The following ARHGAP42 variants were observed in gnomAD, a reference collection of about 807,000 sequenced individuals.
ARHGAP42 encodes the protein rho GTPase-activating protein 42.
A neutral mutation model predicts 125.0 loss-of-function variants in ARHGAP42; 63 were observed. The observed-to-expected ratio is 0.50, with a 90% CI of 0.41 to 0.62. The LOEUF (loss-of-function observed/expected upper bound fraction) is 0.62, where lower values mean the gene tolerates loss of function less well. Ranked by LOEUF, ARHGAP42 falls within the 20% of genes least tolerant of loss-of-function variation. The pLI, the probability that ARHGAP42 is intolerant of heterozygous loss-of-function variation, is 0.00. For missense variants in ARHGAP42, 766 were observed against 1,024.2 expected (o/e 0.75, Z 3.44); for synonymous variants, 339 against 351.0 (o/e 0.97, Z 0.38).
rs1458569700 is a variant in ARHGAP42 at position 100,992,130 on chromosome 11, CT to C, written c.*3332del. 2 of 651,538 alleles carry C rather than the reference CT, an allele frequency of 3.1e-6. No homozygotes were observed. The highest frequency in any genetic ancestry group is 6.5e-5 in the Admixed American group (2 of 30,620). The allele number at this position is 651,538 out of a possible 1,614,324, so 40.4% of individuals were successfully genotyped here. A position where few individuals can be genotyped will look rare whatever the true frequency, so the allele number is the denominator to read the frequency against. On this transcript the variant is annotated 3_prime_UTR_variant, in exon 24 of 24. Transcript: ENST00000298815. The stretch of plus-strand genomic sequence containing the variant: ...TTCAGTTTAGAAGAGTCCCTCAGAG[CT>C]TTGCCTCAAGCAATTTCAAATTGTA...
intron 4 of ARHGAP42, among the ~76,000 whole-genome samples, chr11:100,880,706 C>G (rs896295786): frequency 6.6e-6 from 1 of 152,182 alleles, no homozygotes; most frequent in Non-Finnish European, 1.5e-5. Context: ...TAGTTTACAT[C>G]CCACCAGCAG....
chr11:100,706,302 A>G (rs1377470380), intron 1 of ARHGAP42, among the ~76,000 whole-genome samples: 1 of 152,218 alleles, frequency 6.6e-6, no homozygotes, highest in Non-Finnish European at 1.5e-5. Context: ...TTTGGGACTC[A>G]GGAGATGGAC....
At chr11:100,811,472 A>G (rs1004728279) in intron 3 of ARHGAP42, among the ~76,000 whole-genome samples, 4 of 150,292 alleles carry the variant, frequency 2.7e-5, no homozygotes, top group Non-Finnish European at 4.4e-5. Flanking sequence ...TAGGTGATCT[A>G]TGTTGCTTCT....
intron 3 of ARHGAP42, among the ~76,000 whole-genome samples, chr11:100,799,994 G>T (rs920843309): frequency 3.9e-5 from 6 of 152,200 alleles, no homozygotes; most frequent in African/African-American, 1.4e-4. Context: ...AGCCAAGGGG[G>T]TAAGTTATTC....
At chr11:100,802,502 G>T (rs1420993455) in intron 3 of ARHGAP42, among the ~76,000 whole-genome samples, 2 of 148,460 alleles carry the variant, frequency 1.3e-5, no homozygotes, top group African/African-American at 5.0e-5. Flanking sequence ...TTGACTCACT[G>T]CAGCCTCCAC....
At chr11:100,811,041 C>T (rs956121153) in intron 3 of ARHGAP42, among the ~76,000 whole-genome samples, 1 of 144,588 alleles carries the variant, frequency 6.9e-6, no homozygotes, top group Non-Finnish European at 1.6e-5. Flanking sequence ...CCGCAACTTC[C>T]GCCTCCTGGG....
chr11:100,842,114 C>A (rs573793530), intron 3 of ARHGAP42, among the ~76,000 whole-genome samples: 1 of 152,248 alleles, frequency 6.6e-6, no homozygotes, highest in East Asian at 1.9e-4. Flanking sequence ...TTTACAAGAA[C>A]TTCATTTGTG....
intron 10 of ARHGAP42, among the ~76,000 whole-genome samples, chr11:100,944,998 A>G (rs1867979134): frequency 1.3e-5 from 2 of 152,230 alleles, no homozygotes; most frequent in Admixed American, 1.3e-4. Context: ...TTTACTCAGT[A>G]GGGCGTCTTT....
intron 4 of ARHGAP42, among the ~76,000 whole-genome samples, chr11:100,900,726 A>G (rs1332324328): frequency 6.6e-6 from 1 of 152,072 alleles, no homozygotes; most frequent in East Asian, 1.9e-4. Context: ...TGTATGCATC[A>G]TGAAGTTCTC....
At chr11:100,854,545 A>C (rs1473451676) in intron 3 of ARHGAP42, among the ~76,000 whole-genome samples, 1 of 152,188 alleles carries the variant, frequency 6.6e-6, no homozygotes, top group Non-Finnish European at 1.5e-5. Flanking sequence ...TGTATGAAGT[A>C]AAATGTATTC....
At chr11:100,977,396 C>A (rs1182603707) in intron 21 of ARHGAP42, among the ~76,000 whole-genome samples, 1 of 152,168 alleles carries the variant, frequency 6.6e-6, no homozygotes. Context: ...CACTTCCATC[C>A]TACGCCCGCA....
chr11:100,896,132 G>C (rs1202949463), intron 4 of ARHGAP42, among the ~76,000 whole-genome samples: 1 of 152,084 alleles, frequency 6.6e-6, no homozygotes, highest in Non-Finnish European at 1.5e-5. Flanking sequence ...TCAGAATGAT[G>C]GTTTCCAGCT....
chr11:100,939,379 G>A (rs959861615), intron 8 of ARHGAP42, among the ~76,000 whole-genome samples: 1 of 151,948 alleles, frequency 6.6e-6, no homozygotes, highest in Non-Finnish European at 1.5e-5. Context: ...TTACTATTGG[G>A]TTCTTACTAT....
intron 6 of ARHGAP42, among the ~76,000 whole-genome samples, chr11:100,926,264 T>C (rs1361830517): frequency 6.6e-6 from 1 of 152,208 alleles, no homozygotes; most frequent in South Asian, 2.1e-4. Flanking sequence ...AGCATTATTA[T>C]GAAGTAGTTG....
chr11:100,704,374 G>A (rs548125835), intron 1 of ARHGAP42, among the ~76,000 whole-genome samples: 5 of 152,294 alleles, frequency 3.3e-5, no homozygotes, highest in South Asian at 2.1e-4. Context: ...AGCACAGGCC[G>A]GAAAAGGCCA....
intron 1 of ARHGAP42, among the ~76,000 whole-genome samples, chr11:100,745,631 T>C (rs1325858269): frequency 1.3e-5 from 2 of 152,224 alleles, no homozygotes; most frequent in African/African-American, 2.4e-5. Flanking sequence ...GCCTTTGTTA[T>C]ACTTCCATCA....
At chr11:100,839,040 C>T (rs1289755211) in intron 3 of ARHGAP42, among the ~76,000 whole-genome samples, 1 of 151,826 alleles carries the variant, frequency 6.6e-6, no homozygotes, top group African/African-American at 2.4e-5. Flanking sequence ...GTATTATGTG[C>T]TCTAGTATAT....
intron 2 of ARHGAP42, among the ~76,000 whole-genome samples, chr11:100,781,588 C>G (rs1863312129): frequency 6.6e-6 from 1 of 151,992 alleles, no homozygotes; most frequent in African/African-American, 2.4e-5. Context: ...GCTGAAGATA[C>G]ATCATTGTGC....
rs1034268432 is a variant in ARHGAP42, at chr11:100,974,482, A to G, written c.1734A>G (p.Pro578=). The change falls in exon 19 of 24, where the codon CCA becomes CCG. Residue 578 remains proline, a synonymous_variant. Coordinates refer to ENST00000298815, the MANE Select transcript of ARHGAP42 (RefSeq NM_152432.4). ...AGATTTTTCATACTGCTCCAGACCC[A>G]AGCATTCCTCTTCCTCAGCCTCAGT... The part of the protein sequence containing the change: ...YEKIFHTAPD[P]SIPLPQPQSR... 7 of 1,549,796 alleles carry G rather than the reference A, an allele frequency of 4.5e-6. No individual in the cohort carries two copies. Among genetic ancestry groups the G allele is most frequent in the Non-Finnish European group, 6.1e-6 (7 of 1,146,576 alleles).
Sources: allele counts gnomAD v4.1 joint callset (sites outside exome capture counted in the v4.1 genomes callset), GRCh38; gene constraint gnomAD v4.1.1; transcripts MANE v1.5; gene names NCBI Gene and HGNC (gene_info 2026-07-23, HGNC 2026-07-21).